ZPLD1: variants seen among roughly 807,000 people sequenced by gnomAD.
ZPLD1 encodes zona pellucida-like domain-containing protein 1.
A neutral mutation model predicts 47.2 loss-of-function variants in ZPLD1; 34 were observed. The ratio of observed to expected loss-of-function variants is 0.72; its 90% confidence interval spans 0.55 to 0.96. ZPLD1 has a LOEUF of 0.96. ZPLD1 is among the 40% of genes least tolerant of loss of function. The pLI is 0.00. For synonymous variants in ZPLD1, 176 were observed against 186.2 expected (o/e 0.95, Z 0.45); for missense variants, 512 against 505.8 (o/e 1.01, Z -0.12).
At chr3:102,476,896 C>G in intron 10 of ZPLD1, 116 bp from the exon 11 acceptor site, 1 of 1,214,482 alleles carries the variant, frequency 8.2e-7, no homozygotes, top group South Asian at 1.3e-5. Context: ...TATGGGTGGA[C>G]GTAAGAGGAG....
rs2107363425 is a variant in ZPLD1 at position 102,477,707 on chromosome 3, T to C, written c.*89T>C. 1 of 1,206,732 alleles carries C rather than the reference T, an allele frequency of 8.3e-7. No homozygotes were observed. The allele number at this position is 1,206,732 out of a possible 1,614,324, so 74.8% of individuals were successfully genotyped here. A position where few individuals can be genotyped will look rare whatever the true frequency, so the allele number is the denominator to read the frequency against. On this transcript the variant is annotated 3_prime_UTR_variant, in exon 12 of 12. Coordinates refer to ENST00000466937, the MANE Select transcript of ZPLD1 (RefSeq NM_001329788.2). ...GTGTTCCGTCTGAATTTCATGTCAG[T>C]CCACATTCAATATTTGTAGGTTTGA... is the stretch of plus-strand genomic sequence containing the variant.
At chr3:102,440,328 T>G (rs1707156302) in intron 3 of ZPLD1, among the ~76,000 whole-genome samples, 1 of 152,116 alleles carries the variant, frequency 6.6e-6, no homozygotes, top group African/African-American at 2.4e-5. Context: ...GTGGAAGCAT[T>G]ACAAGGGGAC....
chr3:102,444,779 G>T (rs1490144065), intron 3 of ZPLD1, among the ~76,000 whole-genome samples: 1 of 152,122 alleles, frequency 6.6e-6, no homozygotes, highest in Non-Finnish European at 1.5e-5. Flanking sequence ...CCACTATATT[G>T]AACAGATTGC....
chr3:102,406,249 A>T (rs1274193715), intron 7 of ZPLD1, among the ~76,000 whole-genome samples: 1 of 151,956 alleles, frequency 6.6e-6, no homozygotes, highest in Admixed American at 6.6e-5. Flanking sequence ...ATCCTTCTTC[A>T]CTATAGAAAT....
chr3:102,388,473 G>T (rs1706459816), intron 6 of ZPLD1, among the ~76,000 whole-genome samples: 1 of 141,896 alleles, frequency 7.0e-6, no homozygotes, highest in African/African-American at 2.6e-5. Flanking sequence ...GTGTGTGTGT[G>T]TGTGTGTGTG....
At chr3:102,467,638 A>G (rs1054312307) in intron 8 of ZPLD1, among the ~76,000 whole-genome samples, 9 of 152,066 alleles carry the variant, frequency 5.9e-5, no homozygotes, top group Admixed American at 3.9e-4. Flanking sequence ...ATAGTATTGG[A>G]CCTATACTTC....
intron 7 of ZPLD1, 136 bp downstream of exon 7, chr3:102,462,514 T>G (rs1420805155): frequency 1.8e-6 from 1 of 547,416 alleles, no homozygotes; most frequent in East Asian, 3.2e-5. Context: ...GGCATGCTAC[T>G]AAAAAGAAAT....
chr3:102,426,179 T>G (rs999815321), intron 8 of ZPLD1, among the ~76,000 whole-genome samples: 26 of 151,232 alleles, frequency 1.7e-4, no homozygotes, highest in Non-Finnish European at 2.8e-4. Context: ...CACACGAACA[T>G]TTTTTAAAGA....
At chr3:102,392,831 T>C (rs1300732490) in intron 7 of ZPLD1, among the ~76,000 whole-genome samples, 1 of 152,192 alleles carries the variant, frequency 6.6e-6, no homozygotes, top group East Asian at 1.9e-4. Flanking sequence ...ACAGTTGCAC[T>C]TTTTATTGGG....
At chr3:102,386,277 T>C (rs1480925324) in intron 6 of ZPLD1, among the ~76,000 whole-genome samples, 1 of 150,954 alleles carries the variant, frequency 6.6e-6, no homozygotes, top group African/African-American at 2.4e-5. Context: ...AAAATTGATG[T>C]AAGTGGGGTC....
chr3:102,430,699 G>A (rs767492146), upstream of ZPLD1, among the ~76,000 whole-genome samples: 18 of 152,236 alleles, frequency 1.2e-4, no homozygotes, highest in Middle Eastern at 3.4e-3. Context: ...TGAATATCGG[G>A]GAGTGGGTTT....
rs148441983 is a variant in ZPLD1 at position 102,447,987 on chromosome 3, G to A, written c.107-4932G>A. Among the ~76,000 whole-genome samples the A allele has an allele frequency of 2.8e-3, 420 of 152,102 alleles. 1 individual carries two copies. The highest frequency in any genetic ancestry group is 9.6e-3 in the African/African-American group (400 of 41,490). On this transcript the variant is annotated intron_variant, in intron 3 of 11. Coordinates refer to ENST00000466937, the MANE Select transcript of ZPLD1 (RefSeq NM_001329788.2). ...TCAAATCAGGACACATTTTATACAC[G>A]GAGAGACAGATGGCTGATAATGTGA...
At position 102,462,030 on chromosome 3, in the gene ZPLD1, G is replaced by T. The variant is rs182285843; in HGVS notation, c.583-251G>T. On this transcript the variant is annotated intron_variant, in intron 6 of 11. Coordinates refer to ENST00000466937, the MANE Select transcript of ZPLD1 (RefSeq NM_001329788.2). ...CCACTGAATATAATTTAGATACAGT[G>T]AACATTAGCCACCATATATGGTAAA... Among the ~76,000 whole-genome samples, 4 of 152,052 alleles carry T rather than the reference G, an allele frequency of 2.6e-5. No individual in the cohort carries two copies. In the East Asian group the frequency reaches 5.8e-4, roughly 22 times the overall value.
chr3:102,435,166 G>T lies in ZPLD1; in HGVS notation c.-123+12G>T. On this transcript the variant is annotated intron_variant, in intron 1 of 11. Transcript: ENST00000466937. ...GGGAAATGATGAAGGTAAGGTTGAG[G>T]ATGGGAAATTTGCAAGATAATAGTT... 2.5e-6 allele frequency: 4 copies of T among 1,614,128 alleles called. No homozygotes were observed. Among genetic ancestry groups the T allele is most frequent in the Non-Finnish European group, 3.4e-6 (4 of 1,179,972 alleles).
intron 7 of ZPLD1, among the ~76,000 whole-genome samples, chr3:102,415,184 G>A (rs1373845289): frequency 6.6e-6 from 1 of 151,754 alleles, no homozygotes; most frequent in Non-Finnish European, 1.5e-5. Flanking sequence ...TGTATAATAA[G>A]AGTATCTCGA....
At position 102,477,575 on chromosome 3, in the gene ZPLD1, C is replaced by G; in HGVS notation, c.1205C>G (p.Thr402Arg). 6.2e-7 allele frequency: 1 copy of G among 1,613,580 alleles called. No individual in the cohort carries two copies. Among genetic ancestry groups the G allele is most frequent in the South Asian group, 1.1e-5 (1 of 91,040 alleles). ...SLALLHRKGP[T>R]SLVLNGIRNP... ...GCCCTTCTGCACAGGAAGGGACCCA[C>G]AAGTTTAGTGTTGAATGGCATAAGA... Residue 402 changes from threonine (T) to arginine (R), a missense_variant, in exon 12 of 12, where the codon ACA (threonine) becomes AGA (arginine). Transcript: ENST00000466937.
At chr3:102,444,092 C>T (rs1707220167) in intron 3 of ZPLD1, among the ~76,000 whole-genome samples, 2 of 152,150 alleles carry the variant, frequency 1.3e-5, no homozygotes, top group Non-Finnish European at 2.9e-5. Flanking sequence ...CCATATTCTC[C>T]CATATTTTAA....
intron 3 of ZPLD1, among the ~76,000 whole-genome samples, chr3:102,448,683 C>T (rs1040799190): frequency 5.3e-5 from 8 of 152,140 alleles, no homozygotes; most frequent in Non-Finnish European, 1.2e-4. Flanking sequence ...AGTTTCATTG[C>T]AGGAGTTACA....
chr3:102,472,258 G>A (rs939790844), intron 10 of ZPLD1, among the ~76,000 whole-genome samples: 2 of 152,012 alleles, frequency 1.3e-5, no homozygotes, highest in Non-Finnish European at 2.9e-5. Flanking sequence ...TTGGCTGGGC[G>A]CGGTGGCTCA....
Sources: allele counts gnomAD v4.1 joint callset (sites outside exome capture counted in the v4.1 genomes callset), GRCh38; gene constraint gnomAD v4.1.1; transcripts MANE v1.5; gene names NCBI Gene and HGNC (gene_info 2026-07-23, HGNC 2026-07-21).